Variants in RAD51B observed in about 807,000 individuals in gnomAD.
The protein encoded by RAD51B is DNA repair protein RAD51 homolog 2.
In RAD51B, 38 loss-of-function variants were observed where a neutral mutation model predicts 42.2. That is an observed-to-expected ratio of 0.90 (90% CI 0.70 to 1.18). RAD51B has a LOEUF of 1.18. Ranked by LOEUF, RAD51B falls within the 50% of genes most tolerant of loss-of-function variation. RAD51B has a pLI of 0.00. For synonymous variants in RAD51B, 154 were observed against 145.2 expected, an observed-to-expected ratio of 1.06 and a Z score of -0.43; for missense variants, 373 against 400.7, an observed-to-expected ratio of 0.93 and a Z score of 0.59.
At chr14:68,651,171 G>A (rs1892690972) in intron 11 of RAD51B, among the ~76,000 whole-genome samples, 1 of 152,076 alleles carries the variant, frequency 6.6e-6, no homozygotes, top group African/African-American at 2.4e-5. Flanking sequence ...TACATGTGAT[G>A]TTTATTTTAT....
chr14:68,353,074 C>A (rs2082823181), intron 8 of RAD51B, among the ~76,000 whole-genome samples: 1 of 152,152 alleles, frequency 6.6e-6, no homozygotes, highest in South Asian at 2.1e-4. Context: ...TGTCAGAAAG[C>A]AAGTTGAAAG....
chr14:68,678,539 T>C (rs934453168), intron 11 of RAD51B, among the ~76,000 whole-genome samples: 24 of 152,058 alleles, frequency 1.6e-4, no homozygotes, highest in Admixed American at 1.3e-4. Context: ...TGACAAGCTG[T>C]AAGAAGAAAG....
rs183963321 is a variant in RAD51B at position 68,465,985 on chromosome 14, A to C, written c.958-2187A>C. On this transcript the variant is annotated intron_variant, in intron 9 of 10. Coordinates refer to ENST00000471583, the MANE Select transcript of RAD51B (RefSeq NM_133510.4). ...AAATAAATAAATAAATAAATAAATA[A>C]ATAAATAAATTCACATTGAACCATC... 5.4e-3 allele frequency among the ~76,000 whole-genome samples: 811 copies of C among 151,338 alleles called. 13 individuals are homozygous for C. The highest frequency in any genetic ancestry group is 0.019 in the African/African-American group (768 of 41,226).
Position 68,434,744 on chromosome 14 carries a change from C to T in RAD51B, c.957+23217C>T, listed in dbSNP as rs191549256. ...CAGCTTATGCTCGGTGGGCTGCACC[C>T]ACTGTCCTGCACCCACTGTCTGACA... On this transcript the variant is annotated intron_variant, in intron 9 of 10. Coordinates refer to ENST00000471583, the MANE Select transcript of RAD51B (RefSeq NM_133510.4). Among the ~76,000 whole-genome samples, 10 of 151,624 alleles carry T rather than the reference C, an allele frequency of 6.6e-5. No individual in the cohort carries two copies. In the East Asian group the frequency reaches 1.7e-3, roughly 26 times the overall value.
intron 4 of RAD51B, among the ~76,000 whole-genome samples, chr14:67,839,484 C>T (rs1478168614): frequency 6.6e-6 from 1 of 151,760 alleles, no homozygotes; most frequent in Non-Finnish European, 1.5e-5. Flanking sequence ...TACAATCTTC[C>T]AGCTCTTAAA....
chr14:68,442,435 C>CTTTTTTTT lies in RAD51B; in HGVS notation c.958-25719_958-25712dup, dbSNP rs774360651. On this transcript the variant is annotated intron_variant, in intron 9 of 10. Coordinates refer to ENST00000471583, the MANE Select transcript of RAD51B (RefSeq NM_133510.4). ...TGCCTACTATGTAGTAGGCATTGTG[C>CTTTTTTTT]TTTTTTTTTTTTTTTTTTTTTTTTT... Among the ~76,000 whole-genome samples the CTTTTTTTT allele has an allele frequency of 3.9e-4, 27 of 68,426 alleles. 1 individual carries two copies. The highest frequency in any genetic ancestry group is 0.012 in the Middle Eastern group (1 of 84). 44.9% of individuals were successfully genotyped at this position (68,426 alleles called of 152,430 possible).
At position 67,825,449 on chromosome 14, in the gene RAD51B, T is replaced by C; in HGVS notation, c.85-15T>C. 1 of 1,561,438 alleles carries C rather than the reference T, an allele frequency of 6.4e-7. No homozygotes were observed. Among genetic ancestry groups the C allele is most frequent in the Non-Finnish European group, 8.8e-7 (1 of 1,137,906 alleles). On this transcript the variant is annotated splice_polypyrimidine_tract_variant and intron_variant, in intron 2 of 10. Transcript: ENST00000471583. The stretch of plus-strand genomic sequence containing the variant: ...ACACATATATGTTTAAAATACTCTC[T>C]TTATGTTTCTTTAGGACTTTTTATG...
At chr14:67,825,877 G>A (rs1310200280) in intron 3 of RAD51B, among the ~76,000 whole-genome samples, 2 of 151,948 alleles carry the variant, frequency 1.3e-5, no homozygotes, top group African/African-American at 4.8e-5. Flanking sequence ...TTACAGGCAC[G>A]GTGCTACCAA....
intron 10 of RAD51B, among the ~76,000 whole-genome samples, chr14:68,521,343 T>C (rs1481948680): frequency 6.6e-6 from 1 of 152,220 alleles, no homozygotes; most frequent in Non-Finnish European, 1.5e-5. Flanking sequence ...GCAGGCTGTC[T>C]GCAGGCCAGC....
At chr14:68,274,111 G>A (rs149751303) in intron 7 of RAD51B, among the ~76,000 whole-genome samples, 74 of 152,066 alleles carry the variant, frequency 4.9e-4, no homozygotes, top group African/African-American at 1.8e-3. Context: ...TAACTGATAT[G>A]CTTGAATTGC....
intron 7 of RAD51B, among the ~76,000 whole-genome samples, chr14:68,033,102 A>G (rs1452037643): frequency 6.6e-6 from 1 of 152,182 alleles, no homozygotes; most frequent in Non-Finnish European, 1.5e-5. Flanking sequence ...TCTCCCCCCA[A>G]GATTCCAGAA....
intron 8 of RAD51B, among the ~76,000 whole-genome samples, chr14:68,354,883 C>G (rs1272800736): frequency 6.6e-6 from 1 of 152,188 alleles, no homozygotes; most frequent in Non-Finnish European, 1.5e-5. Flanking sequence ...AGCCCCATTT[C>G]AAGCTCTGAG....
At chr14:68,320,734 G>A (rs2082142314) in intron 8 of RAD51B, among the ~76,000 whole-genome samples, 2 of 152,170 alleles carry the variant, frequency 1.3e-5, no homozygotes, top group South Asian at 2.1e-4. Context: ...AGTTTTACTT[G>A]GTCAAACTGG....
chr14:68,674,946 G>C (rs975389307), intron 11 of RAD51B, among the ~76,000 whole-genome samples: 2 of 152,194 alleles, frequency 1.3e-5, no homozygotes, highest in Admixed American at 6.5e-5. Flanking sequence ...TGAGTTGCTA[G>C]AGGCTTTGTG....
At chr14:68,324,697 T>C (rs925157082) in intron 8 of RAD51B, among the ~76,000 whole-genome samples, 37 of 152,342 alleles carry the variant, frequency 2.4e-4, no homozygotes, top group African/African-American at 8.9e-4. Context: ...ACCTAGTTCC[T>C]TCAAATTTTC....
intron 10 of RAD51B, among the ~76,000 whole-genome samples, chr14:68,604,157 C>G (rs1891340084): frequency 6.6e-6 from 1 of 152,212 alleles, no homozygotes; most frequent in Non-Finnish European, 1.5e-5. Context: ...AGAAAGTCGC[C>G]TTTCATGGTG....
chr14:68,415,910 A>T (rs530229622), intron 9 of RAD51B, among the ~76,000 whole-genome samples: 1 of 152,282 alleles, frequency 6.6e-6, no homozygotes, highest in East Asian at 1.9e-4. Flanking sequence ...TAAGCCTCAC[A>T]CCCGCTTGAT....
chr14:68,618,286 A>G (rs1032849362), intron 10 of RAD51B, among the ~76,000 whole-genome samples: 1 of 152,200 alleles, frequency 6.6e-6, no homozygotes, highest in Non-Finnish European at 1.5e-5. Context: ...AGTTGTGCTC[A>G]GGCAAAAAGA....
chr14:68,388,014 G>A (rs1263548398), intron 8 of RAD51B, among the ~76,000 whole-genome samples: 2 of 149,102 alleles, frequency 1.3e-5, no homozygotes, highest in Non-Finnish European at 3.0e-5. Flanking sequence ...TTTTTTTCAT[G>A]TGCCTACTGG....
Sources: allele counts gnomAD v4.1 joint callset (sites outside exome capture counted in the v4.1 genomes callset), GRCh38; gene constraint gnomAD v4.1.1; transcripts MANE v1.5; gene names NCBI Gene and HGNC (gene_info 2026-07-23, HGNC 2026-07-21).